SLC9A2: variants seen among roughly 807,000 people sequenced by gnomAD.
SLC9A2 encodes the protein sodium/hydrogen exchanger 2.
A neutral mutation model predicts 71.7 loss-of-function variants in SLC9A2; 42 were observed. The ratio of observed to expected loss-of-function variants is 0.59; its 90% confidence interval spans 0.46 to 0.76. SLC9A2 has a LOEUF of 0.76. SLC9A2 is among the 30% of genes least tolerant of loss of function. SLC9A2 has a pLI of 0.00. For missense variants in SLC9A2, 829 were observed against 1,017.4 expected (o/e 0.81, Z 2.52); for synonymous variants, 396 against 392.5 (o/e 1.01, Z -0.10).
intron 1 of SLC9A2, among the ~76,000 whole-genome samples, chr2:102,655,034 G>A (rs566376287): frequency 2.6e-5 from 4 of 152,298 alleles, no homozygotes; most frequent in Non-Finnish European, 5.9e-5. Context: ...TGAGTGGTGA[G>A]TGAATGTGAA....
chr2:102,683,622 C>G, intron 4 of SLC9A2, 144 bp downstream of exon 4: 2 of 658,588 alleles, frequency 3.0e-6, no homozygotes. Context: ...TCTTCCTCCT[C>G]TTCTTCCTCT....
chr2:102,645,046 G>A (rs902722020), intron 1 of SLC9A2, among the ~76,000 whole-genome samples: 1 of 152,154 alleles, frequency 6.6e-6, no homozygotes, highest in African/African-American at 2.4e-5. Flanking sequence ...TCATACAGGG[G>A]AGCTCTGGCT....
chr2:102,637,397 A>G (rs537796698), intron 1 of SLC9A2, among the ~76,000 whole-genome samples: 29 of 152,294 alleles, frequency 1.9e-4, no homozygotes, highest in African/African-American at 6.7e-4. Flanking sequence ...GGCCAGTGCC[A>G]TCGTTATTAT....
chr2:102,638,098 A>G (rs1032125321), intron 1 of SLC9A2, among the ~76,000 whole-genome samples: 13 of 152,156 alleles, frequency 8.5e-5, no homozygotes, highest in Non-Finnish European at 1.9e-4. Flanking sequence ...TCTCAATATG[A>G]GCTCAATCTT....
intron 1 of SLC9A2, among the ~76,000 whole-genome samples, chr2:102,621,205 G>A (rs1676129551): frequency 1.3e-5 from 2 of 151,762 alleles, no homozygotes; most frequent in Non-Finnish European, 2.9e-5. Flanking sequence ...GTGTTGTGGT[G>A]CACATATGTA....
intron 3 of SLC9A2, among the ~76,000 whole-genome samples, chr2:102,676,596 T>A (rs886228131): frequency 9.9e-5 from 15 of 152,230 alleles, no homozygotes; most frequent in African/African-American, 3.4e-4. Flanking sequence ...TATGCTTGGA[T>A]CCTGTTTTAA....
At chr2:102,694,580 T>C in intron 6 of SLC9A2, 77 bp downstream of exon 6, 1 of 647,746 alleles carries the variant, frequency 1.5e-6, no homozygotes, top group Admixed American at 2.5e-5. Flanking sequence ...TGGTACCACG[T>C]TGTCCATTTC....
At chr2:102,625,549 C>T (rs1015483158) in intron 1 of SLC9A2, among the ~76,000 whole-genome samples, 3 of 150,670 alleles carry the variant, frequency 2.0e-5, no homozygotes, top group African/African-American at 7.4e-5. Context: ...CAATTCCCAC[C>T]TATGAGTGAG....
intron 3 of SLC9A2, among the ~76,000 whole-genome samples, chr2:102,679,505 C>T (rs1278210863): frequency 6.6e-6 from 1 of 151,978 alleles, no homozygotes; most frequent in African/African-American, 2.4e-5. Flanking sequence ...CCTCAGCCTC[C>T]CAAGTAGCTG....
Position 102,708,554 on chromosome 2 carries a change from C to T in SLC9A2, c.*65C>T. The T allele has an allele frequency of 7.8e-6, 12 of 1,532,008 alleles. No homozygotes were observed. Among genetic ancestry groups the T allele is most frequent in the Non-Finnish European group, 1.1e-5 (12 of 1,134,294 alleles). 94.9% of individuals were successfully genotyped at this position (1,532,008 alleles called of 1,614,324 possible). ...CAGCTGTGGTTTGTCACTCTGAAAC[C>T]TGATGCAACAGTGGAATCCATGTAA... On this transcript the variant is annotated 3_prime_UTR_variant, in exon 12 of 12. Transcript: ENST00000233969.
At position 102,708,678 on chromosome 2, in the gene SLC9A2, C is replaced by A; in HGVS notation, c.*189C>A. On this transcript the variant is annotated 3_prime_UTR_variant, in exon 12 of 12. Transcript: ENST00000233969. ...AAAGGAAAATCGAATAAAAAATAGT[C>A]CCACAAAATACCTTTTGTGACTAAT... 1 of 620,374 alleles carries A rather than the reference C, an allele frequency of 1.6e-6. No individual in the cohort carries two copies. Among genetic ancestry groups the A allele is most frequent in the Non-Finnish European group, 2.7e-6 (1 of 375,178 alleles). The allele number at this position is 620,374 out of a possible 1,614,324, so 38.4% of individuals were successfully genotyped here.
intron 1 of SLC9A2, among the ~76,000 whole-genome samples, chr2:102,655,210 C>CTTTTTTTT (rs58932567): frequency 1.4e-5 from 2 of 138,278 alleles, no homozygotes; most frequent in Admixed American, 7.3e-5. Flanking sequence ...TACCCTTATT[C>CTTTTTTTT]TTTTTTTTTT....
At chr2:102,628,300 G>A (rs551509442) in intron 1 of SLC9A2, among the ~76,000 whole-genome samples, 108 of 152,220 alleles carry the variant, frequency 7.1e-4, no homozygotes, top group African/African-American at 2.4e-3. Flanking sequence ...GAAACCATGG[G>A]TGTTCTGAAA....
intron 1 of SLC9A2, among the ~76,000 whole-genome samples, chr2:102,636,122 A>G (rs886873340): frequency 6.6e-6 from 1 of 152,250 alleles, no homozygotes; most frequent in Non-Finnish European, 1.5e-5. Flanking sequence ...AAGAATCTCC[A>G]TGAATCTTTA....
At chr2:102,663,942 G>A (rs993682111) in intron 2 of SLC9A2, among the ~76,000 whole-genome samples, 1 of 152,126 alleles carries the variant, frequency 6.6e-6, no homozygotes, top group Admixed American at 6.5e-5. Flanking sequence ...TGAAGTGCCC[G>A]ACATTCTTGA....
At position 102,657,020 on chromosome 2, in the gene SLC9A2, C is replaced by T. The variant is rs553522453; in HGVS notation, c.290-544C>T. Among the ~76,000 whole-genome samples, 12 of 152,210 alleles carry T rather than the reference C, an allele frequency of 7.9e-5. No individual in the cohort carries two copies. In the East Asian group the frequency reaches 2.3e-3, roughly 29 times the overall value. On this transcript the variant is annotated intron_variant, in intron 1 of 11. Coordinates refer to ENST00000233969, the MANE Select transcript of SLC9A2 (RefSeq NM_003048.6). ...AGAAGTTCGAGACCAGCCTGGCCAA[C>T]ATGGCAAAACCCCGTCTCTATTAAG...
Position 102,683,236 on chromosome 2 carries a change from A to G in SLC9A2, c.1005-25A>G, listed in dbSNP as rs748529424. ...TGATTAAGATCATTGTTAGGTTTCA[A>G]TAGAAGCTGAATCTTCCCTTTCAGA... On this transcript the variant is annotated intron_variant, in intron 3 of 11. Transcript: ENST00000233969. 7 of 1,537,306 alleles carry G rather than the reference A, an allele frequency of 4.6e-6. No individual in the cohort carries two copies. In the South Asian group the frequency reaches 5.6e-5, roughly 12 times the overall value.
rs531212171 is a variant in SLC9A2 at position 102,644,770 on chromosome 2, C to T, written c.290-12794C>T. 4.6e-5 allele frequency among the ~76,000 whole-genome samples: 7 copies of T among 152,314 alleles called. No homozygotes were observed. The South Asian group carries it at 1.2e-3, about 27-fold the overall frequency. ...CTAGATTCCTCCTCACTAGGCAAGGCATCTCTGAAAGAAAGGCAGCAGCCC... is the reference window on the plus strand; with the variant it reads ...CTAGATTCCTCCTCACTAGGCAAGGTATCTCTGAAAGAAAGGCAGCAGCCC... On this transcript the variant is annotated intron_variant, in intron 1 of 11. Coordinates refer to ENST00000233969, the MANE Select transcript of SLC9A2 (RefSeq NM_003048.6).
chr2:102,632,980 C>G (rs1306489967), intron 1 of SLC9A2, among the ~76,000 whole-genome samples: 2 of 152,150 alleles, frequency 1.3e-5, no homozygotes, highest in African/African-American at 4.8e-5. Context: ...ACCCACTGGC[C>G]AGGAAACCTG....
Sources: allele counts gnomAD v4.1 joint callset (sites outside exome capture counted in the v4.1 genomes callset), GRCh38; gene constraint gnomAD v4.1.1; transcripts MANE v1.5; gene names NCBI Gene and HGNC (gene_info 2026-07-23, HGNC 2026-07-21).